PDGFRA: variants seen among roughly 807,000 people sequenced by gnomAD.
The protein encoded by PDGFRA is platelet-derived growth factor receptor alpha.
PDGFRA carries 25 observed loss-of-function variants against 121.5 expected under a neutral mutation model. The observed-to-expected ratio is 0.21, with a 90% CI of 0.15 to 0.29. The LOEUF (loss-of-function observed/expected upper bound fraction) is 0.29, where lower values mean the gene tolerates loss of function less well. PDGFRA is among the 10% of genes least tolerant of loss of function. PDGFRA has a pLI of 1.00. For missense variants in PDGFRA, 1,008 were observed against 1,345.1 expected, an observed-to-expected ratio of 0.75 and a Z score of 3.92; for synonymous variants, 463 against 494.8, an observed-to-expected ratio of 0.94 and a Z score of 0.85.
In PDGFRA at chr4:54,248,715, A is replaced by G. The variant is rs561191018; in HGVS notation, c.-12-10042A>G. 6.8e-4 allele frequency among the ~76,000 whole-genome samples: 103 copies of G among 152,334 alleles called. 2 individuals are homozygous for G. The South Asian group carries it at 0.021, about 32-fold the overall frequency. The stretch of plus-strand genomic sequence containing the variant: ...TGGCAACAAAAGCCAAAATTGACAA[A>G]TGGGATCTAATTAAACTAAAGAGCT... On this transcript the variant is annotated intron_variant, in intron 1 of 22. Coordinates refer to ENST00000257290, the MANE Select transcript of PDGFRA (RefSeq NM_006206.6).
Position 54,274,710 on chromosome 4 carries a change from GGA to G in PDGFRA, c.1653+87_1653+88del, listed in dbSNP as rs890863753. ...CTAGTTCAGTGCTTGGCACAGAGAA[GGA>G]GCTCAGCAATTACATGTGGAGTGAA... On this transcript the variant is annotated intron_variant, in intron 11 of 22. Transcript: ENST00000257290. 44 of 1,426,996 alleles carry G rather than the reference GGA, an allele frequency of 3.1e-5. No homozygotes were observed. In the African/African-American group the frequency reaches 5.3e-4, roughly 17 times the overall value. 88.4% of individuals were successfully genotyped at this position (1,426,996 alleles called of 1,614,324 possible).
At chr4:54,279,296 T>C (rs1228547028) in intron 15 of PDGFRA, among the ~76,000 whole-genome samples, 1 of 152,144 alleles carries the variant, frequency 6.6e-6, no homozygotes, top group African/African-American at 2.4e-5. Context: ...TGAAAACAAG[T>C]GAACAGTAGT....
At chr4:54,284,808 G>C (rs1432751402) in intron 16 of PDGFRA, among the ~76,000 whole-genome samples, 2 of 149,606 alleles carry the variant, frequency 1.3e-5, no homozygotes, top group African/African-American at 2.5e-5. Flanking sequence ...TTGCGTGTGT[G>C]TGTGTGTGTA....
At chr4:54,265,119 C>G (rs897675904) in intron 5 of PDGFRA, 70 bp downstream of exon 5, 4 of 1,440,536 alleles carry the variant, frequency 2.8e-6, no homozygotes, top group African/African-American at 1.4e-5. Flanking sequence ...CATTTGAGCT[C>G]GGTCTGTCAC....
chr4:54,242,402 TA>T (rs893103323), intron 1 of PDGFRA, among the ~76,000 whole-genome samples: 2 of 152,076 alleles, frequency 1.3e-5, no homozygotes, highest in African/African-American at 2.4e-5. Flanking sequence ...AAAATACCTT[TA>T]AAAAAAGGCT....
chr4:54,244,992 AT>A (rs1721549928), intron 1 of PDGFRA, among the ~76,000 whole-genome samples: 1 of 152,204 alleles, frequency 6.6e-6, no homozygotes, highest in African/African-American at 2.4e-5. Context: ...AATGAATGAA[AT>A]GAAATGAGAA....
At chr4:54,260,971 C>A in intron 2 of PDGFRA, 124 bp from the exon 3 acceptor site, 1 of 839,898 alleles carries the variant, frequency 1.2e-6, no homozygotes, top group Non-Finnish European at 1.9e-6. Context: ...GGCATCCAGG[C>A]TAACGGATTT....
At chr4:54,254,085 A>G (rs780549380) in intron 1 of PDGFRA, among the ~76,000 whole-genome samples, 4 of 152,206 alleles carry the variant, frequency 2.6e-5, no homozygotes, top group Non-Finnish European at 4.4e-5. Flanking sequence ...GAATAGCATT[A>G]CTAATTAAGA....
At chr4:54,249,237 G>A (rs1183561186) in intron 1 of PDGFRA, among the ~76,000 whole-genome samples, 1 of 152,072 alleles carries the variant, frequency 6.6e-6, no homozygotes, top group African/African-American at 2.4e-5. Context: ...GATTCCTCAG[G>A]GATCTAGAAC....
intron 5 of PDGFRA, among the ~76,000 whole-genome samples, chr4:54,266,411 C>CT (rs552308043): frequency 0.14 from 17,987 of 130,500 alleles, 1,405 homozygotes; most frequent in Admixed American, 0.28. Context: ...TTTCTTTTTT[C>CT]TTTTTTTTTT....
intron 21 of PDGFRA, among the ~76,000 whole-genome samples, 163 bp downstream of exon 21, chr4:54,289,277 A>G (rs987421078): frequency 6.6e-6 from 1 of 152,202 alleles, no homozygotes; most frequent in African/African-American, 2.4e-5. Flanking sequence ...CCTAGTAGCA[A>G]TGATGAATGA....
At position 54,267,673 on chromosome 4, in the gene PDGFRA, A is replaced by G. The variant is rs1258571614; in HGVS notation, c.1053A>G (p.Lys351=). Residue 351 remains lysine, a synonymous_variant, in exon 7 of 23, where the codon AAA becomes AAG. Transcript: ENST00000257290. ...CACCTCCCAGGATATCCTGGCTGAA[A>G]AACAATCTGACTCTGATTGAAAATC... is the stretch of plus-strand genomic sequence containing the variant. The part of the protein sequence containing the change: ...AYPPPRISWL[K]NNLTLIENLT... 13 of 1,614,068 alleles carry G rather than the reference A, an allele frequency of 8.1e-6. No homozygotes were observed. The highest frequency in any genetic ancestry group is 1.7e-4 in the Middle Eastern group (1 of 6,060).
At chr4:54,231,413 C>A (rs1463188205) in intron 1 of PDGFRA, among the ~76,000 whole-genome samples, 1 of 152,194 alleles carries the variant, frequency 6.6e-6, no homozygotes, top group African/African-American at 2.4e-5. Context: ...GGCAAACGCA[C>A]GACAGTCCTC....
chr4:54,289,211 G>A, intron 21 of PDGFRA, 97 bp downstream of exon 21: 2 of 764,752 alleles, frequency 2.6e-6, no homozygotes, highest in Admixed American at 2.0e-5. Context: ...ATTTTCAAAA[G>A]AGGCAAAAGA....
At chr4:54,286,381 A>T (rs1724364485) in intron 18 of PDGFRA, among the ~76,000 whole-genome samples, 1 of 151,146 alleles carries the variant, frequency 6.6e-6, no homozygotes, top group Non-Finnish European at 1.5e-5. Flanking sequence ...TTTGAGACAG[A>T]GTCTCACTCT....
rs1724858504 is a variant in PDGFRA, at chr4:54,295,925, T to G, written c.*653T>G. The G allele has an allele frequency of 4.3e-6, 1 of 234,058 alleles. No individual in the cohort carries two copies. The highest frequency in any genetic ancestry group is 2.2e-5 in the African/African-American group (1 of 45,336). 14.5% of individuals were successfully genotyped at this position (234,058 alleles called of 1,614,324 possible). A position where few individuals can be genotyped will look rare whatever the true frequency, so the allele number is the denominator to read the frequency against. On this transcript the variant is annotated 3_prime_UTR_variant, in exon 23 of 23. Transcript: ENST00000257290. ...ACTCATTTTCATATTGTAATCTATG[T>G]TTATAATACTACTACTGTTATCAGT...
Position 54,250,575 on chromosome 4 carries a change from A to G in PDGFRA, c.-12-8182A>G, listed in dbSNP as rs1328195940. 3.3e-5 allele frequency among the ~76,000 whole-genome samples: 5 copies of G among 152,228 alleles called. No homozygotes were observed. In the East Asian group the frequency reaches 9.6e-4, roughly 29 times the overall value. ...TTAGTGTACATTATCAGTCATAATTATAGTTCTTATGTTACATTATTGTGT... is the reference window on the plus strand; with the variant it reads ...TTAGTGTACATTATCAGTCATAATTGTAGTTCTTATGTTACATTATTGTGT... On this transcript the variant is annotated intron_variant, in intron 1 of 22. Coordinates refer to ENST00000257290, the MANE Select transcript of PDGFRA (RefSeq NM_006206.6).
intron 15 of PDGFRA, chr4:54,278,898 TG>T (rs1371594693): frequency 2.1e-6 from 1 of 467,094 alleles, no homozygotes; most frequent in Non-Finnish European, 4.3e-6. Context: ...TTGCTGAACC[TG>T]GACCTATAAA....
At chr4:54,270,169 T>C (rs1723262582) in intron 7 of PDGFRA, among the ~76,000 whole-genome samples, 1 of 152,206 alleles carries the variant, frequency 6.6e-6, no homozygotes, top group Admixed American at 6.5e-5. Context: ...TGTCATATCC[T>C]GCAGACCGCT....
Sources: gnomAD v4.1 joint callset for allele counts (sites outside exome capture counted in the v4.1 genomes callset) on GRCh38, gnomAD v4.1.1 for gene constraint, MANE v1.5 for transcripts, NCBI Gene and HGNC (gene_info 2026-07-23, HGNC 2026-07-21) for gene names.